Variants in GFM2 observed in about 807,000 individuals in gnomAD.
The protein encoded by GFM2 is ribosome-releasing factor 2, mitochondrial.
Under a neutral mutation model 95.4 loss-of-function variants are expected in GFM2, and 72 were observed. That is an observed-to-expected ratio of 0.76 (90% CI 0.62 to 0.92). GFM2 has a LOEUF of 0.92. Ranked by LOEUF, GFM2 falls within the 40% of genes least tolerant of loss-of-function variation. The pLI is 0.00. For synonymous variants in GFM2, 276 were observed against 317.5 expected (o/e 0.87, Z 1.39); for missense variants, 825 against 924.1 (o/e 0.89, Z 1.39).
intron 7 of GFM2, among the ~76,000 whole-genome samples, chr5:74,748,707 A>G (rs1743516926): frequency 6.6e-6 from 1 of 151,582 alleles, no homozygotes; most frequent in Non-Finnish European, 1.5e-5. Flanking sequence ...TCTACTAAAA[A>G]TACAAAAATT....
intron 7 of GFM2, among the ~76,000 whole-genome samples, 166 bp from the exon 8 acceptor site, chr5:74,747,946 A>C (rs1415893474): frequency 1.3e-5 from 2 of 152,220 alleles, no homozygotes; most frequent in Non-Finnish European, 2.9e-5. Flanking sequence ...TTAGCTATCA[A>C]GTTAACACAG....
Position 74,736,994 on chromosome 5 carries a change from A to G in GFM2, c.1321-9T>C. The stretch of plus-strand genomic sequence containing the variant: ...GTGTCTCCAGTGGCAGTCTGCAAGC[A>G]AACAAGATGACTTGGAACGAAAGTG... On this transcript the variant is annotated splice_polypyrimidine_tract_variant and intron_variant, in intron 14 of 20. Coordinates refer to ENST00000296805, the MANE Select transcript of GFM2 (RefSeq NM_032380.5). 6.2e-7 allele frequency: 1 copy of G among 1,612,568 alleles called. No homozygotes were observed. Among genetic ancestry groups the G allele is most frequent in the Non-Finnish European group, 8.5e-7 (1 of 1,179,382 alleles).
At chr5:74,762,384 C>T (rs1162477697) in intron 2 of GFM2, among the ~76,000 whole-genome samples, 1 of 152,112 alleles carries the variant, frequency 6.6e-6, no homozygotes, top group African/African-American at 2.4e-5. Context: ...AAACTGAATA[C>T]CTTTTCCATC....
chr5:74,734,743 G>A (rs947729529), intron 15 of GFM2, among the ~76,000 whole-genome samples: 5 of 152,156 alleles, frequency 3.3e-5, no homozygotes, highest in African/African-American at 1.2e-4. Flanking sequence ...GGTTATAACT[G>A]GACCATGGGG....
At chr5:74,764,615 A>G (rs1007109057) in intron 1 of GFM2, among the ~76,000 whole-genome samples, 1 of 151,786 alleles carries the variant, frequency 6.6e-6, no homozygotes, top group Non-Finnish European at 1.5e-5. Flanking sequence ...CCCCTGTGTT[A>G]AACCATTGTG....
intron 7 of GFM2, 48 bp from the exon 8 acceptor site, chr5:74,747,828 T>A (rs367889795): frequency 9.6e-7 from 1 of 1,036,576 alleles, no homozygotes; most frequent in Non-Finnish European, 1.5e-6. Flanking sequence ...AAAGTAACTA[T>A]GTTACTAGAC....
intron 1 of GFM2, chr5:74,765,195 A>G: frequency 1.0e-6 from 1 of 956,980 alleles, no homozygotes; most frequent in Non-Finnish European, 1.3e-6. Context: ...GTGGTTGTCA[A>G]TAAAAAGATA....
chr5:74,749,483 A>C (rs1412612560), intron 7 of GFM2, among the ~76,000 whole-genome samples: 4 of 152,142 alleles, frequency 2.6e-5, no homozygotes, highest in Non-Finnish European at 5.9e-5. Context: ...ACATCTTTTC[A>C]TGTGCTTACT....
intron 15 of GFM2, 69 bp from the exon 16 acceptor site, chr5:74,733,167 A>T: frequency 8.8e-7 from 1 of 1,140,124 alleles, no homozygotes; most frequent in Non-Finnish European, 1.3e-6. Flanking sequence ...TCTAGTGGGT[A>T]AAACAGATGG....
At position 74,764,001 on chromosome 5, in the gene GFM2, G is replaced by A. The variant is rs111760381; in HGVS notation, c.-24-235C>T. Among the ~76,000 whole-genome samples, 1,608 of 152,262 alleles carry A rather than the reference G, an allele frequency of 0.011. 31 individuals are homozygous for A. The highest frequency in any genetic ancestry group is 0.037 in the African/African-American group (1,522 of 41,564). Reference sequence around the variant, plus strand: ...AATGTCCCTTATTTGTCAATGTAATGTTTAAAGAAAGATATGGCGATACAG... The same window carrying A: ...AATGTCCCTTATTTGTCAATGTAATATTTAAAGAAAGATATGGCGATACAG... On this transcript the variant is annotated intron_variant, in intron 1 of 20. Transcript: ENST00000296805.
At chr5:74,731,309 A>AAACT (rs1317272949) in intron 16 of GFM2, among the ~76,000 whole-genome samples, 1 of 152,176 alleles carries the variant, frequency 6.6e-6, no homozygotes, top group African/African-American at 2.4e-5. Flanking sequence ...TATGAGGGAG[A>AAACT]AACTGACTTT....
intron 15 of GFM2, chr5:74,736,581 GAGA>G (rs1370517261): frequency 7.1e-7 from 1 of 1,399,648 alleles, no homozygotes; most frequent in East Asian, 2.7e-5. Flanking sequence ...AATATAATAT[GAGA>G]AGAATGGCCA....
intron 1 of GFM2, among the ~76,000 whole-genome samples, chr5:74,764,604 A>C (rs184203523): frequency 6.6e-6 from 1 of 152,044 alleles, no homozygotes; most frequent in African/African-American, 2.4e-5. Context: ...AAGATTAGAC[A>C]CCCCTGTGTT....
At chr5:74,736,382 C>T (rs1742834546) in intron 15 of GFM2, 2 of 984,376 alleles carry the variant, frequency 2.0e-6, no homozygotes, top group South Asian at 9.4e-5. Context: ...AGATTATCCA[C>T]AGTATATAAA....
At chr5:74,727,823 T>C (rs1750217175) in intron 17 of GFM2, among the ~76,000 whole-genome samples, 1 of 152,208 alleles carries the variant, frequency 6.6e-6, no homozygotes, top group Non-Finnish European at 1.5e-5. Flanking sequence ...CATGTATACA[T>C]CGTGGAATGA....
At chr5:74,728,770 T>TTTTGAGA (rs1750274382) in intron 17 of GFM2, among the ~76,000 whole-genome samples, 3 of 113,794 alleles carry the variant, frequency 2.6e-5, no homozygotes, top group African/African-American at 8.2e-5. Context: ...TTTTTTTTTT[T>TTTTGAGA]TTTTGAGATG....
intron 7 of GFM2, 28 bp from the exon 8 acceptor site, chr5:74,747,808 A>G (rs372343146): frequency 8.5e-6 from 11 of 1,299,398 alleles, no homozygotes; most frequent in South Asian, 1.2e-5. Context: ...AAAAAAATAC[A>G]TACTGAACAA....
chr5:74,752,741 G>C (rs560052812), intron 5 of GFM2, among the ~76,000 whole-genome samples: 27 of 152,180 alleles, frequency 1.8e-4, no homozygotes, highest in African/African-American at 6.0e-4. Context: ...CAACAACCTG[G>C]ATAGTTTTTA....
At chr5:74,750,008 A>G (rs1276952262) in intron 7 of GFM2, among the ~76,000 whole-genome samples, 3 of 152,174 alleles carry the variant, frequency 2.0e-5, no homozygotes, top group Non-Finnish European at 4.4e-5. Flanking sequence ...AAATTTTCAA[A>G]GAACAAAAAC....
Sources: gnomAD v4.1 joint callset for allele counts (sites outside exome capture counted in the v4.1 genomes callset) on GRCh38, gnomAD v4.1.1 for gene constraint, MANE v1.5 for transcripts, NCBI Gene and HGNC (gene_info 2026-07-23, HGNC 2026-07-21) for gene names.